The following P4HA1 variants were observed in gnomAD, a reference collection of about 807,000 sequenced individuals.
The protein encoded by P4HA1 is prolyl 4-hydroxylase subunit alpha-1.
A neutral mutation model predicts 72.8 loss-of-function variants in P4HA1; 24 were observed. The ratio of observed to expected loss-of-function variants is 0.33; its 90% CI spans 0.24 to 0.46. The LOEUF is 0.46. P4HA1 is among the 20% of genes least tolerant of loss of function. The probability of loss-of-function intolerance (pLI) is 1.00; values close to 1 mark genes in which losing one functional copy is unlikely to be tolerated. For synonymous variants in P4HA1, 201 were observed against 218.8 expected (o/e 0.92, Z 0.72); for missense variants, 446 against 640.6 (o/e 0.70, Z 3.28).
At chr10:73,058,530 G>C (rs190255637) in intron 5 of P4HA1, among the ~76,000 whole-genome samples, 4 of 152,098 alleles carry the variant, frequency 2.6e-5, no homozygotes, top group Admixed American at 2.6e-4. Flanking sequence ...TTAAGTCATG[G>C]GTCTGGGGAC....
intron 1 of P4HA1, among the ~76,000 whole-genome samples, chr10:73,091,746 T>C (rs1483948434): frequency 1.3e-5 from 2 of 152,308 alleles, no homozygotes; most frequent in East Asian, 3.9e-4. Flanking sequence ...TGGAAATATC[T>C]AGAGAAACTT....
chr10:73,046,995 C>T lies in P4HA1; in HGVS notation c.1007G>A (p.Arg336His), dbSNP rs199687360. Residue 336 changes from arginine (R) to histidine (H), a missense_variant, in exon 8 of 15, where the codon CGT becomes CAT. Physicochemically the swap from Arg to His is conservative, Grantham distance 29. Coordinates refer to ENST00000394890, the MANE Select transcript of P4HA1 (RefSeq NM_001017962.3). ...AKQEDEWDKP[R>H]IIRFHDIISD... ...AATAATATCATGGAAGCGAATAATA[C>T]GAGGCTTGTCCCATTCATCCTCCTG... is the stretch of plus-strand genomic sequence containing the variant. 15 of 1,612,952 alleles carry T rather than the reference C, an allele frequency of 9.3e-6. No homozygotes were observed. The highest frequency in any genetic ancestry group is 5.0e-5 in the Admixed American group (3 of 59,992).
chr10:73,010,435 A>C (rs2133027907), intron 13 of P4HA1, among the ~76,000 whole-genome samples: 1 of 152,336 alleles, frequency 6.6e-6, no homozygotes, highest in East Asian at 1.9e-4. Context: ...TGCCAAAAGA[A>C]AGCTAACATA....
At chr10:73,074,988 T>C in intron 1 of P4HA1, 73 bp from the exon 2 acceptor site, 1 of 605,192 alleles carries the variant, frequency 1.7e-6, no homozygotes, top group Non-Finnish European at 2.9e-6. Flanking sequence ...TTATCTATTA[T>C]TTCTATGAAA....
At chr10:73,050,023 G>A (rs544714474) in intron 7 of P4HA1, among the ~76,000 whole-genome samples, 81 of 152,126 alleles carry the variant, frequency 5.3e-4, no homozygotes, top group Admixed American at 1.2e-3. Flanking sequence ...AAAGTTAGCC[G>A]GGCATGGTGG....
chr10:73,075,674 GCTTT>G (rs1470748626), intron 1 of P4HA1, among the ~76,000 whole-genome samples: 6 of 151,654 alleles, frequency 4.0e-5, no homozygotes, highest in Non-Finnish European at 7.4e-5. Context: ...ATATTTCAGA[GCTTT>G]CTGTTAATCC....
intron 1 of P4HA1, among the ~76,000 whole-genome samples, chr10:73,094,902 C>T (rs555252545): frequency 5.9e-5 from 9 of 152,204 alleles, no homozygotes; most frequent in Admixed American, 6.5e-5. Context: ...GTTACCAAAA[C>T]ACAAAATGGC....
At chr10:73,085,565 C>T (rs12261293) in intron 1 of P4HA1, among the ~76,000 whole-genome samples, 24,240 of 151,804 alleles carry the variant, frequency 0.16, 3,206 homozygotes, top group African/African-American at 0.34. Flanking sequence ...GTATTTTTAG[C>T]AGAGACGGAG....
chr10:73,020,015 G>T (rs1840098081), intron 10 of P4HA1, among the ~76,000 whole-genome samples: 1 of 152,022 alleles, frequency 6.6e-6, no homozygotes, highest in Non-Finnish European at 1.5e-5. Flanking sequence ...CAAGTCTGGG[G>T]AAGAGATAAG....
chr10:73,069,354 T>C lies in P4HA1; in HGVS notation c.326-371A>G, dbSNP rs550215970. Among the ~76,000 whole-genome samples, 22 of 152,342 alleles carry C rather than the reference T, an allele frequency of 1.4e-4. No homozygotes were observed. In the South Asian group the frequency reaches 4.6e-3, roughly 32 times the overall value. ...TTTATGGGTCTGAAATGACATTCAT[T>C]GACAATCAATTATACTTCCAGATAA... On this transcript the variant is annotated intron_variant, in intron 4 of 14. Transcript: ENST00000394890.
At chr10:73,032,284 C>T (rs1215434898) in intron 9 of P4HA1, among the ~76,000 whole-genome samples, 4 of 152,200 alleles carry the variant, frequency 2.6e-5, no homozygotes, top group South Asian at 4.1e-4. Context: ...TTGTCAGATT[C>T]CTAATCTCTG....
intron 9 of P4HA1, among the ~76,000 whole-genome samples, chr10:73,030,622 T>G (rs3736278): frequency 0.16 from 24,206 of 151,950 alleles, 3,206 homozygotes; most frequent in African/African-American, 0.34. Context: ...ATGAAAACAG[T>G]TGGATTAATG....
At chr10:73,058,107 A>G (rs1156500789) in intron 5 of P4HA1, among the ~76,000 whole-genome samples, 1 of 150,528 alleles carries the variant, frequency 6.6e-6, no homozygotes, top group East Asian at 1.9e-4. Flanking sequence ...AAAAAAAAAA[A>G]AAAAAAAAAA....
intron 5 of P4HA1, among the ~76,000 whole-genome samples, chr10:73,060,420 A>G (rs1262223278): frequency 6.6e-6 from 1 of 152,178 alleles, no homozygotes; most frequent in African/African-American, 2.4e-5. Context: ...CAAAGCAATC[A>G]AGCCTTGCCA....
At chr10:73,066,835 C>G (rs532738379) in intron 5 of P4HA1, among the ~76,000 whole-genome samples, 193 of 152,230 alleles carry the variant, frequency 1.3e-3, no homozygotes, top group Non-Finnish European at 1.9e-3. Context: ...TCTTTCCTGC[C>G]ACCCTGTGAA....
intron 8 of P4HA1, among the ~76,000 whole-genome samples, chr10:73,046,174 C>T (rs1840858530): frequency 6.6e-6 from 1 of 152,070 alleles, no homozygotes; most frequent in African/African-American, 2.4e-5. Context: ...TAATATTGAC[C>T]TTTATGGAAA....
At chr10:73,080,107 G>A (rs1402891581) in intron 1 of P4HA1, among the ~76,000 whole-genome samples, 1 of 152,156 alleles carries the variant, frequency 6.6e-6, no homozygotes, top group African/African-American at 2.4e-5. Context: ...TGCAACTATT[G>A]CTTTGAATCT....
At chr10:73,075,742 AG>A (rs1195397035) in intron 1 of P4HA1, among the ~76,000 whole-genome samples, 4 of 147,802 alleles carry the variant, frequency 2.7e-5, no homozygotes, top group Non-Finnish European at 6.0e-5. Context: ...ATATATATAT[AG>A]TGTGTGTGTG....
chr10:73,051,307 G>GA (rs974688888), intron 6 of P4HA1, 58 bp from the exon 7 acceptor site: 9 of 883,414 alleles, frequency 1.0e-5, no homozygotes, highest in Non-Finnish European at 1.6e-5. Flanking sequence ...TCAAGCATCA[G>GA]AATATAGTAA....
Sources: gnomAD v4.1 joint callset for allele counts (sites outside exome capture counted in the v4.1 genomes callset) on GRCh38, gnomAD v4.1.1 for gene constraint, MANE v1.5 for transcripts, NCBI Gene and HGNC (gene_info 2026-07-23, HGNC 2026-07-21) for gene names.